Variants in ELMOD1 observed in about 807,000 individuals in gnomAD.
ELMOD1 encodes ELMO domain containing 1, also known as ELMO domain-containing protein 1.
Under a neutral mutation model 46.7 loss-of-function variants are expected in ELMOD1, and 21 were observed. The observed-to-expected ratio is 0.45, with a 90% CI of 0.32 to 0.65. ELMOD1 has a LOEUF of 0.65. Ranked by LOEUF, ELMOD1 falls within the 30% of genes least tolerant of loss-of-function variation. The pLI is 0.04. For synonymous variants in ELMOD1, 122 were observed against 138.2 expected, an observed-to-expected ratio of 0.88 and a Z score of 0.82; for missense variants, 348 against 407.8, an observed-to-expected ratio of 0.85 and a Z score of 1.26.
Position 107,655,942 on chromosome 11 carries a change from T to A in ELMOD1, c.708T>A (p.Phe236Leu). The part of the protein sequence containing the change: ...KRMDKAIGYS[F>L]AIVGINITDL... ...GGTTTATACTTTATAGGTACTCATTTGCAATTGTGGGCATCAATATAACTG... is the reference window on the plus strand; with the variant it reads ...GGTTTATACTTTATAGGTACTCATTAGCAATTGTGGGCATCAATATAACTG... Residue 236 changes from phenylalanine (F) to leucine (L), a missense_variant, in exon 11 of 12, where the codon TTT becomes TTA. Coordinates refer to ENST00000265840, the MANE Select transcript of ELMOD1 (RefSeq NM_018712.4). 6.2e-7 allele frequency: 1 copy of A among 1,607,024 alleles called. No homozygotes were observed. Among genetic ancestry groups the A allele is most frequent in the South Asian group, 1.1e-5 (1 of 89,662 alleles).
At chr11:107,595,288 T>A (rs1003145878) in intron 1 of ELMOD1, among the ~76,000 whole-genome samples, 8 of 152,130 alleles carry the variant, frequency 5.3e-5, no homozygotes, top group African/African-American at 1.9e-4. Flanking sequence ...AACTTATAAC[T>A]AAGTAGCTCA....
Position 107,635,822 on chromosome 11 carries a change from A to AC in ELMOD1, c.420+59dup. The AC allele has an allele frequency of 5.1e-6, 8 of 1,554,544 alleles. No homozygotes were observed. In the South Asian group the frequency reaches 9.5e-5, roughly 18 times the overall value. On this transcript the variant is annotated intron_variant, in intron 6 of 11. Coordinates refer to ENST00000265840, the MANE Select transcript of ELMOD1 (RefSeq NM_018712.4). ...CTAAGTCAGCTGACATTTGCCAGGC[A>AC]CCTGCTATGTGCTAGGCGCTGCTCT...
At chr11:107,616,435 A>C (rs1001033114) in intron 1 of ELMOD1, among the ~76,000 whole-genome samples, 6 of 152,108 alleles carry the variant, frequency 3.9e-5, no homozygotes, top group Admixed American at 2.6e-4. Flanking sequence ...GCTGGAGTGC[A>C]GTGGCGCATT....
chr11:107,617,695 T>C (rs909956296), intron 1 of ELMOD1, among the ~76,000 whole-genome samples: 1 of 152,218 alleles, frequency 6.6e-6, no homozygotes, highest in Non-Finnish European at 1.5e-5. Flanking sequence ...TTCCAGTTAT[T>C]TTTGAGTTGT....
chr11:107,647,011 T>C (rs1019311766), intron 6 of ELMOD1, among the ~76,000 whole-genome samples: 1 of 151,684 alleles, frequency 6.6e-6, no homozygotes, highest in Admixed American at 6.6e-5. Flanking sequence ...CCATCTAATT[T>C]CCTATTCAAA....
intron 6 of ELMOD1, among the ~76,000 whole-genome samples, chr11:107,644,599 C>A (rs1290103960): frequency 6.6e-6 from 1 of 152,024 alleles, no homozygotes; most frequent in East Asian, 2.0e-4. Context: ...CTCAGCCTCC[C>A]GAGTAGCTGG....
intron 6 of ELMOD1, among the ~76,000 whole-genome samples, chr11:107,637,306 G>C (rs17107257): frequency 0.014 from 2,160 of 152,264 alleles, 66 homozygotes; most frequent in African/African-American, 0.05. Flanking sequence ...AGTCAGGGCT[G>C]TTCATTACTG....
chr11:107,651,664 G>A (rs1268598559), intron 9 of ELMOD1, among the ~76,000 whole-genome samples: 2 of 152,094 alleles, frequency 1.3e-5, no homozygotes, highest in Admixed American at 6.5e-5. Flanking sequence ...AAAATCAAGC[G>A]ATATTAATTT....
Position 107,654,220 on chromosome 11 carries a change from T to G in ELMOD1, c.696T>G (p.Ile232Met). ...EWEKKRMDKA[I>M]GYSFAIVGIN... is the part of the protein sequence containing the mutation. ...AGAAGAAAAGGATGGATAAGGCAAT[T>G]GGGTGAGTATGGGATCTCACATGGA... Residue 232 changes from isoleucine to methionine, a missense_variant and splice_region_variant, in exon 10 of 12, where the codon ATT becomes ATG. Transcript: ENST00000265840. 6.3e-7 allele frequency: 1 copy of G among 1,589,566 alleles called. No individual in the cohort carries two copies. Among genetic ancestry groups the G allele is most frequent in the Non-Finnish European group, 8.6e-7 (1 of 1,167,084 alleles).
At chr11:107,598,932 G>C (rs1865540277) in intron 1 of ELMOD1, among the ~76,000 whole-genome samples, 1 of 152,164 alleles carries the variant, frequency 6.6e-6, no homozygotes. Flanking sequence ...TGATAAACAG[G>C]GTGCGAGTCC....
At chr11:107,647,161 CCTCTT>C (rs1254328840) in intron 6 of ELMOD1, among the ~76,000 whole-genome samples, 3 of 152,102 alleles carry the variant, frequency 2.0e-5, no homozygotes, top group Non-Finnish European at 4.4e-5. Context: ...AGGCAAATAA[CCTCTT>C]CTTTTATTAT....
chr11:107,594,277 A>AG (rs1487245726), intron 1 of ELMOD1, among the ~76,000 whole-genome samples: 2 of 149,528 alleles, frequency 1.3e-5, no homozygotes, highest in Non-Finnish European at 3.0e-5. Context: ...GAAAATGAGA[A>AG]AAAAAAAAAA....
chr11:107,626,006 T>C (rs959911704), intron 2 of ELMOD1, among the ~76,000 whole-genome samples: 1 of 152,154 alleles, frequency 6.6e-6, no homozygotes, highest in Non-Finnish European at 1.5e-5. Flanking sequence ...CCTATGCATG[T>C]AGTTATTAGA....
chr11:107,601,496 A>T (rs746920048), intron 1 of ELMOD1, among the ~76,000 whole-genome samples: 20 of 149,098 alleles, frequency 1.3e-4, no homozygotes, highest in Non-Finnish European at 2.8e-4. Context: ...GCTTACTGCA[A>T]CCTCTGTCTC....
intron 6 of ELMOD1, among the ~76,000 whole-genome samples, chr11:107,637,909 A>G (rs1866257370): frequency 6.6e-6 from 1 of 152,062 alleles, no homozygotes; most frequent in Non-Finnish European, 1.5e-5. Flanking sequence ...AAACACAGAT[A>G]TATTCATTGT....
intron 4 of ELMOD1, 144 bp downstream of exon 4, chr11:107,630,872 C>G: frequency 1.2e-6 from 1 of 824,976 alleles, no homozygotes; most frequent in South Asian, 1.8e-5. Context: ...TTGCCCATTA[C>G]AAACCACTGT....
intron 11 of ELMOD1, among the ~76,000 whole-genome samples, chr11:107,659,707 A>ATGGCTGGCTGGC (rs1451923138): frequency 4.5e-5 from 6 of 134,500 alleles, no homozygotes; most frequent in African/African-American, 2.0e-4. Context: ...GGATGGATGG[A>ATGGCTGGCTGGC]TGGCTAAAAT....
chr11:107,621,909 C>A (rs1473506244), intron 2 of ELMOD1, among the ~76,000 whole-genome samples: 1 of 152,040 alleles, frequency 6.6e-6, no homozygotes, highest in African/African-American at 2.4e-5. Flanking sequence ...TGCCTGTAAT[C>A]CCAGCTACTA....
chr11:107,647,620 A>T lies in ELMOD1; in HGVS notation c.554+19A>T, dbSNP rs748379121. 6.2e-6 allele frequency: 10 copies of T among 1,608,552 alleles called. No homozygotes were observed. In the Admixed American group the frequency reaches 1.7e-4, roughly 27 times the overall value. The stretch of plus-strand genomic sequence containing the variant: ...ATTTGCAGTAAGTAAAATGAAGGAC[A>T]GCTAAGTGTTCGAGTGATGTTTTGG... On this transcript the variant is annotated intron_variant, in intron 7 of 11. Transcript: ENST00000265840.
Sources: gnomAD v4.1 joint callset for allele counts (sites outside exome capture counted in the v4.1 genomes callset) on GRCh38, gnomAD v4.1.1 for gene constraint, MANE v1.5 for transcripts, NCBI Gene and HGNC (gene_info 2026-07-23, HGNC 2026-07-21) for gene names.